Variants in KIRREL3 observed in about 807,000 individuals in gnomAD.
KIRREL3 encodes the protein kirre like nephrin family adhesion molecule 3.
A neutral mutation model predicts 89.7 loss-of-function variants in KIRREL3; 36 were observed. That is an observed-to-expected ratio of 0.40 (90% CI 0.31 to 0.53). KIRREL3 has a LOEUF of 0.53. KIRREL3 is among the 20% of genes least tolerant of loss of function. The pLI is 0.49. For missense variants in KIRREL3, 864 were observed against 1,056.6 expected (o/e 0.82, Z 2.53); for synonymous variants, 445 against 441.4 (o/e 1.01, Z -0.10).
In KIRREL3 at chr11:126,903,045, T is replaced by C. The variant is rs1281175781; in HGVS notation, c.55+97410A>G. Among the ~76,000 whole-genome samples, 1 of 152,196 alleles carries C rather than the reference T, an allele frequency of 6.6e-6. No homozygotes were observed. The highest frequency in any genetic ancestry group is 1.5e-5 in the Non-Finnish European group (1 of 68,038). On this transcript the variant is annotated intron_variant, in intron 1 of 16. Transcript: ENST00000525144. This position sits in a 1 kb window ranked among gnomAD's most constrained non-coding sequence, Gnocchi z 4.5. The stretch of plus-strand genomic sequence containing the variant: ...CTTGTGAAAGAAGCAAAAAATAGCA[T>C]CATTTACTCAGCAGCATATTGTACC...
At chr11:126,547,072 A>AAAG (rs1565540384) in intron 2 of KIRREL3, among the ~76,000 whole-genome samples, 1 of 152,168 alleles carries the variant, frequency 6.6e-6, no homozygotes. Context: ...ACAAGTTTAT[A>AAAG]AAGAGTGTTC....
At chr11:126,592,119 C>T (rs546224487) in intron 1 of KIRREL3, among the ~76,000 whole-genome samples, 2 of 152,272 alleles carry the variant, frequency 1.3e-5, no homozygotes, top group East Asian at 3.9e-4. Context: ...TTTTGTCGAG[C>T]CCCTGGGATG....
chr11:126,730,262 G>A (rs547828216), intron 1 of KIRREL3, among the ~76,000 whole-genome samples: 2 of 152,344 alleles, frequency 1.3e-5, no homozygotes, highest in African/African-American at 4.8e-5. Context: ...GGCCCCTTGA[G>A]TGTGACACGT....
chr11:126,472,232 G>A (rs1379068944), intron 5 of KIRREL3, among the ~76,000 whole-genome samples: 1 of 152,152 alleles, frequency 6.6e-6, no homozygotes, highest in Non-Finnish European at 1.5e-5. Context: ...ATTTAACTGG[G>A]CATCTGTCTT....
At chr11:126,552,560 T>TTTTC (rs1939362155) in intron 2 of KIRREL3, among the ~76,000 whole-genome samples, 1 of 78,184 alleles carries the variant, frequency 1.3e-5, no homozygotes, top group African/African-American at 5.6e-5. Flanking sequence ...GTTTTTTTTT[T>TTTTC]TTTTTTTTTT....
rs1592107693 is a variant in KIRREL3 at position 126,773,671 on chromosome 11, A to G, written c.56-210759T>C. On this transcript the variant is annotated intron_variant, in intron 1 of 16. Transcript: ENST00000525144. The surrounding 1 kb of genome is among the most constrained non-coding windows in gnomAD (Gnocchi z 4.2). ...TGCCATAGGAAGAACATCAAGCTGTATGTATGTGTGTGTGTGTGTGTTTGT... is the reference window on the plus strand; with the variant it reads ...TGCCATAGGAAGAACATCAAGCTGTGTGTATGTGTGTGTGTGTGTGTTTGT... Among the ~76,000 whole-genome samples the G allele has an allele frequency of 6.6e-6, 1 of 151,776 alleles. No individual in the cohort carries two copies. The highest frequency in any genetic ancestry group is 6.5e-5 in the Admixed American group (1 of 15,274).
chr11:126,562,132 A>G lies in KIRREL3; in HGVS notation c.133+703T>C, dbSNP rs1940172104. On this transcript the variant is annotated intron_variant, in intron 2 of 16. Transcript: ENST00000525144. This position sits in a 1 kb window ranked among gnomAD's most constrained non-coding sequence, Gnocchi z 4.7. The stretch of plus-strand genomic sequence containing the variant: ...ACAAATAGTCTGTGGCATCTGATGG[A>G]GAGGGTTATTAGCTGCATGGAGACA... 1.3e-5 allele frequency among the ~76,000 whole-genome samples: 2 copies of G among 152,098 alleles called. No homozygotes were observed. The highest frequency in any genetic ancestry group is 4.2e-4 in the South Asian group (2 of 4,812).
At position 127,000,526 on chromosome 11, in the gene KIRREL3, G is replaced by C; in HGVS notation, c.-17C>G. On this transcript the variant is annotated 5_prime_UTR_variant, in exon 1 of 17. Coordinates refer to ENST00000525144, the MANE Select transcript of KIRREL3 (RefSeq NM_032531.4). The surrounding 1 kb of genome is among the most constrained non-coding windows in gnomAD (Gnocchi z 7.1). ...GGGTTTCATTCCTTAGCGCAGCGAA[G>C]GAAAGCCGGCGGGGTAACTTGGCTG... The C allele has an allele frequency of 6.3e-7, 1 of 1,599,368 alleles. No individual in the cohort carries two copies. Among genetic ancestry groups the C allele is most frequent in the Non-Finnish European group, 8.5e-7 (1 of 1,173,190 alleles).
chr11:126,859,052 C>G (rs1162896879), intron 1 of KIRREL3, among the ~76,000 whole-genome samples: 1 of 152,158 alleles, frequency 6.6e-6, no homozygotes, highest in Non-Finnish European at 1.5e-5. Context: ...GCTGCTGAGG[C>G]ACAAACACTC....
In KIRREL3 at chr11:126,552,553, T is replaced by A. The variant is rs925481473; in HGVS notation, c.133+10282A>T. On this transcript the variant is annotated intron_variant, in intron 2 of 16. Transcript: ENST00000525144. ...ATCACACAGGGGAGAGAGAAAAGTT[T>A]TTTTTTTTTTTTTTTTTTTTTTTTT... Among the ~76,000 whole-genome samples the A allele has an allele frequency of 7.7e-4, 55 of 71,410 alleles. 2 individuals are homozygous for A. The highest frequency in any genetic ancestry group is 3.4e-3 in the African/African-American group (51 of 15,018). The allele number at this position is 71,410 out of a possible 152,430, so 46.8% of individuals were successfully genotyped here. A position where few individuals can be genotyped will look rare whatever the true frequency, so the allele number is the denominator to read the frequency against.
At position 126,954,720 on chromosome 11, in the gene KIRREL3, A is replaced by G. The variant is rs1230806135; in HGVS notation, c.55+45735T>C. Among the ~76,000 whole-genome samples the G allele has an allele frequency of 6.6e-6, 1 of 152,156 alleles. No individual in the cohort carries two copies. The highest frequency in any genetic ancestry group is 1.5e-5 in the Non-Finnish European group (1 of 68,034). The stretch of plus-strand genomic sequence containing the variant: ...CAGGCAGTTCATTTTAACAGTAGTC[A>G]TATATTGAGTTCCTACCGTGGTAGG... On this transcript the variant is annotated intron_variant, in intron 1 of 16. Transcript: ENST00000525144. The surrounding 1 kb of genome is among the most constrained non-coding windows in gnomAD (Gnocchi z 4.1).
At chr11:126,942,634 A>G (rs1275668958) in intron 1 of KIRREL3, among the ~76,000 whole-genome samples, 1 of 152,182 alleles carries the variant, frequency 6.6e-6, no homozygotes, top group Non-Finnish European at 1.5e-5. Flanking sequence ...GTCATGTGGC[A>G]TGTGCTGGAT....
intron 1 of KIRREL3, among the ~76,000 whole-genome samples, chr11:126,968,967 T>G (rs1949356328): frequency 6.6e-6 from 1 of 152,158 alleles, no homozygotes; most frequent in South Asian, 2.1e-4. Flanking sequence ...CCTTCGACTC[T>G]CCAGGTTAGG....
Position 126,740,421 on chromosome 11 carries a change from GAA to G in KIRREL3, c.56-177511_56-177510del, listed in dbSNP as rs1267377677. ...CAGTAGTGGTCTGGAATTGTCTGCA[GAA>G]AAGTCTTTCTGGATATACCAGACCA... On this transcript the variant is annotated intron_variant, in intron 1 of 16. Transcript: ENST00000525144. The surrounding 1 kb of genome is among the most constrained non-coding windows in gnomAD (Gnocchi z 6.0). Among the ~76,000 whole-genome samples, 1 of 152,042 alleles carries G rather than the reference GAA, an allele frequency of 6.6e-6. No individual in the cohort carries two copies. The highest frequency in any genetic ancestry group is 2.4e-5 in the African/African-American group (1 of 41,376).
At chr11:126,816,250 C>T (rs753595477) in intron 1 of KIRREL3, among the ~76,000 whole-genome samples, 16 of 152,272 alleles carry the variant, frequency 1.1e-4, no homozygotes, top group Middle Eastern at 3.4e-3. Context: ...ATAACAAGGA[C>T]AGTATGTATT....
chr11:126,889,002 G>A (rs1272319759), intron 1 of KIRREL3, among the ~76,000 whole-genome samples: 1 of 152,178 alleles, frequency 6.6e-6, no homozygotes, highest in Admixed American at 6.5e-5. Flanking sequence ...ATAAATGGTG[G>A]AGCCAAGACT....
intron 1 of KIRREL3, among the ~76,000 whole-genome samples, chr11:126,580,297 G>C (rs990095952): frequency 3.4e-4 from 52 of 152,306 alleles, no homozygotes; most frequent in African/African-American, 1.2e-3. Context: ...CCCACAGTTG[G>C]GGAGACAAAG....
chr11:126,762,204 C>CAAAT (rs993418573), intron 1 of KIRREL3, among the ~76,000 whole-genome samples: 1 of 150,070 alleles, frequency 6.7e-6, no homozygotes, highest in African/African-American at 2.5e-5. Flanking sequence ...AACAAACAAA[C>CAAAT]AAATAAATAA....
intron 1 of KIRREL3, among the ~76,000 whole-genome samples, chr11:126,604,332 C>T (rs1942797405): frequency 6.6e-6 from 1 of 152,214 alleles, no homozygotes; most frequent in Admixed American, 6.5e-5. Context: ...TAGGATGAAA[C>T]TGAGTATTCC....
Sources: gnomAD v4.1 joint callset for allele counts (sites outside exome capture counted in the v4.1 genomes callset) on GRCh38, gnomAD v4.1.1 for gene constraint, Gnocchi (gnomAD v3.1) non-coding constraint, MANE v1.5 for transcripts, NCBI Gene and HGNC (gene_info 2026-07-23, HGNC 2026-07-21) for gene names.